Variants in VRK2 observed in about 807,000 individuals in gnomAD.
The protein encoded by VRK2 is VRK serine/threonine kinase 2.
A neutral mutation model predicts 57.6 loss-of-function variants in VRK2; 60 were observed. That is an observed-to-expected ratio of 1.04 (90% confidence interval 0.85 to 1.29). VRK2 has a LOEUF of 1.29. VRK2 is among the 50% of genes most tolerant of loss of function. VRK2 has a pLI of 0.00. For missense variants in VRK2, 705 were observed against 588.1 expected, an observed-to-expected ratio of 1.20 and a Z score of -2.06; for synonymous variants, 231 against 199.2, an observed-to-expected ratio of 1.16 and a Z score of -1.35.
intron 1 of VRK2, among the ~76,000 whole-genome samples, chr2:57,972,727 T>C (rs1672134148): frequency 1.3e-5 from 2 of 151,900 alleles, no homozygotes; most frequent in East Asian, 3.9e-4. Context: ...TATAAATTTG[T>C]TTATCTTAAA....
intron 1 of VRK2, among the ~76,000 whole-genome samples, chr2:57,986,962 T>C (rs1349956073): frequency 1.3e-5 from 2 of 152,190 alleles, no homozygotes; most frequent in African/African-American, 2.4e-5. Context: ...TAAAGGATAA[T>C]ATTTTTTAAA....
intron 1 of VRK2, among the ~76,000 whole-genome samples, chr2:57,986,513 T>A (rs890872801): frequency 6.6e-6 from 1 of 151,224 alleles, no homozygotes; most frequent in Non-Finnish European, 1.5e-5. Flanking sequence ...TTACCTGATA[T>A]CAAGACTATA....
intron 7 of VRK2, among the ~76,000 whole-genome samples, chr2:58,116,941 C>A (rs537488119): frequency 6.6e-6 from 1 of 152,090 alleles, no homozygotes; most frequent in Non-Finnish European, 1.5e-5. Flanking sequence ...TTTGGAAGTT[C>A]TTGTGTGCTG....
intron 7 of VRK2, among the ~76,000 whole-genome samples, chr2:58,107,695 A>C (rs143456805): frequency 1.3e-5 from 2 of 152,178 alleles, no homozygotes; most frequent in East Asian, 3.8e-4. Context: ...GTATGCATCT[A>C]TTCTCTCATG....
chr2:57,997,104 T>G (rs1443911574), intron 1 of VRK2, among the ~76,000 whole-genome samples: 2 of 152,064 alleles, frequency 1.3e-5, no homozygotes, highest in Non-Finnish European at 2.9e-5. Flanking sequence ...GCAAATTCAG[T>G]AAGGCATGAT....
upstream of VRK2, among the ~76,000 whole-genome samples, chr2:58,042,492 G>A (rs1044785489): frequency 6.6e-6 from 1 of 152,160 alleles, no homozygotes; most frequent in Non-Finnish European, 1.5e-5. Context: ...TCACTGATAT[G>A]ATCTCCTTAT....
At chr2:58,099,790 A>G (rs1048208592) in intron 7 of VRK2, among the ~76,000 whole-genome samples, 5 of 152,086 alleles carry the variant, frequency 3.3e-5, no homozygotes, top group African/African-American at 1.2e-4. Flanking sequence ...TTCTAGTTTC[A>G]GCACTGCCAT....
At chr2:58,123,477 T>A (rs1226033715) in intron 8 of VRK2, among the ~76,000 whole-genome samples, 1 of 152,192 alleles carries the variant, frequency 6.6e-6, no homozygotes, top group Non-Finnish European at 1.5e-5. Context: ...AACTTGCTGC[T>A]CATTTTAGCC....
chr2:58,156,703 C>A (rs1277424679), intron 12 of VRK2, among the ~76,000 whole-genome samples: 3 of 152,016 alleles, frequency 2.0e-5, no homozygotes, highest in African/African-American at 7.2e-5. Flanking sequence ...TTCAGTTCCA[C>A]AAGTATATTT....
chr2:58,151,733 T>TTTTTTTTTTG (rs1683083469), intron 12 of VRK2, among the ~76,000 whole-genome samples: 1 of 72,314 alleles, frequency 1.4e-5, no homozygotes, highest in Non-Finnish European at 2.7e-5. Context: ...CTATGCTTGT[T>TTTTTTTTTTG]TTTTTTTTTT....
chr2:57,981,232 A>G (rs1395897361), intron 1 of VRK2, among the ~76,000 whole-genome samples: 1 of 152,170 alleles, frequency 6.6e-6, no homozygotes, highest in African/African-American at 2.4e-5. Context: ...CAGCTCTCCC[A>G]TGGTAATGAA....
intron 2 of VRK2, among the ~76,000 whole-genome samples, chr2:58,081,726 A>C (rs919708878): frequency 9.2e-5 from 14 of 151,818 alleles, no homozygotes; most frequent in Admixed American, 4.6e-4. Flanking sequence ...CAATGTTTTC[A>C]GTCTACCGTA....
chr2:57,956,759 A>G lies in VRK2; in HGVS notation c.-439+48920A>G, dbSNP rs114235968. 8.8e-3 allele frequency among the ~76,000 whole-genome samples: 1,343 copies of G among 152,280 alleles called. 26 individuals carry two copies. The highest frequency in any genetic ancestry group is 0.03 in the African/African-American group (1,226 of 41,558). ...TATCAGCAGCAATTTTTCAATAAGAATATTCTTGATATTTTAGAAATGAAG... is the reference window on the plus strand; with the variant it reads ...TATCAGCAGCAATTTTTCAATAAGAGTATTCTTGATATTTTAGAAATGAAG... On this transcript the variant is annotated intron_variant, in intron 1 of 15. Transcript: ENST00000417641.
At chr2:57,971,440 G>A (rs1672095743) in intron 1 of VRK2, among the ~76,000 whole-genome samples, 1 of 151,866 alleles carries the variant, frequency 6.6e-6, no homozygotes, top group African/African-American at 2.4e-5. Context: ...AGGTAATGAT[G>A]GTAACTCCCT....
At chr2:57,962,360 TC>T (rs1367063048) in intron 1 of VRK2, among the ~76,000 whole-genome samples, 1 of 152,178 alleles carries the variant, frequency 6.6e-6, no homozygotes, top group Non-Finnish European at 1.5e-5. Flanking sequence ...TACCTTTTCT[TC>T]TTTTTCTGAC....
intron 2 of VRK2, among the ~76,000 whole-genome samples, chr2:58,068,355 TTTTTCCC>T (rs1233767224): frequency 2.0e-5 from 3 of 152,190 alleles, no homozygotes; most frequent in Non-Finnish European, 2.9e-5. Context: ...ATTGATAATT[TTTTTCCC>T]ATCTTCATCA....
At chr2:58,127,800 G>A (rs535267176) in intron 8 of VRK2, among the ~76,000 whole-genome samples, 9 of 152,054 alleles carry the variant, frequency 5.9e-5, no homozygotes, top group Admixed American at 3.3e-4. Flanking sequence ...ATTTCCTACC[G>A]AACCCTGTTT....
intron 11 of VRK2, among the ~76,000 whole-genome samples, chr2:58,144,217 T>C (rs906426555): frequency 1.3e-5 from 2 of 151,856 alleles, no homozygotes; most frequent in Non-Finnish European, 2.9e-5. Context: ...AAGCAGAGCA[T>C]AGAACAGTAT....
At chr2:58,145,891 C>T (rs979882581) in intron 11 of VRK2, among the ~76,000 whole-genome samples, 6 of 151,938 alleles carry the variant, frequency 3.9e-5, no homozygotes, top group African/African-American at 7.3e-5. Flanking sequence ...TCTGTCCTTG[C>T]GATAGTTTGC....
Sources: allele counts gnomAD v4.1 joint callset (sites outside exome capture counted in the v4.1 genomes callset), GRCh38; gene constraint gnomAD v4.1.1; transcripts MANE v1.5; gene names NCBI Gene and HGNC (gene_info 2026-07-23, HGNC 2026-07-21).